PICALM: variants seen among roughly 807,000 people sequenced by gnomAD.
The protein encoded by PICALM is phosphatidylinositol binding clathrin assembly protein, also known as phosphatidylinositol-binding clathrin assembly protein.
PICALM carries 40 observed loss-of-function variants against 80.5 expected under a neutral mutation model. That is an observed-to-expected ratio of 0.50 (90% CI 0.39 to 0.65). PICALM has a LOEUF of 0.65. PICALM is among the 30% of genes least tolerant of loss of function. The pLI is 0.00. For synonymous variants in PICALM, 288 were observed against 260.3 expected (o/e 1.11, Z -1.02); for missense variants, 676 against 778.9 (o/e 0.87, Z 1.57).
At chr11:86,057,099 C>T (rs548082481) in intron 1 of PICALM, among the ~76,000 whole-genome samples, 28 of 151,952 alleles carry the variant, frequency 1.8e-4, no homozygotes, top group Non-Finnish European at 3.7e-4. Flanking sequence ...GATGGTTGCA[C>T]ACAACACTGT....
intron 1 of PICALM, among the ~76,000 whole-genome samples, chr11:86,043,280 A>G (rs2096007659): frequency 6.6e-6 from 1 of 152,168 alleles, no homozygotes; most frequent in African/African-American, 2.4e-5. Context: ...TATTCTGCCT[A>G]CTTTGCCCTC....
chr11:86,042,625 T>C (rs2095994055), intron 1 of PICALM, among the ~76,000 whole-genome samples: 1 of 150,240 alleles, frequency 6.7e-6, no homozygotes, highest in South Asian at 2.1e-4. Context: ...ACTTACTAAC[T>C]GTTCGTTAGC....
At chr11:85,981,691 G>T in intron 16 of PICALM, 54 bp downstream of exon 16, 1 of 1,356,058 alleles carries the variant, frequency 7.4e-7, no homozygotes, top group Non-Finnish European at 1.1e-6. Context: ...AATAACACAT[G>T]GAGAAAACAC....
At chr11:85,981,366 G>T in intron 16 of PICALM, 138 bp from the exon 17 acceptor site, 1 of 599,882 alleles carries the variant, frequency 1.7e-6, no homozygotes, top group Non-Finnish European at 2.9e-6. Flanking sequence ...AGCACTTTGG[G>T]AGGCCAAGGT....
chr11:86,030,985 G>T (rs1303121400), intron 2 of PICALM, among the ~76,000 whole-genome samples: 1 of 152,126 alleles, frequency 6.6e-6, no homozygotes, highest in Middle Eastern at 3.2e-3. Flanking sequence ...AGGCATGGTA[G>T]CACACACTTG....
At chr11:86,016,730 T>C (rs558615809) in intron 4 of PICALM, among the ~76,000 whole-genome samples, 22 of 152,312 alleles carry the variant, frequency 1.4e-4, no homozygotes, top group Non-Finnish European at 2.1e-4. Context: ...ATACTCAACA[T>C]TGCCAGCAAT....
chr11:85,981,929 G>A lies in PICALM; in HGVS notation c.1591C>T (p.Pro531Ser). Residue 531 changes from proline (P) to serine (S), a missense_variant, in exon 15 of 20, where the codon CCA (proline) becomes TCA (serine). Around this residue, in one of 2 missense-constraint regions of PICALM, gnomAD observed 391 missense variants for 383.6 expected, o/e 1.02. Transcript: ENST00000393346. The part of the protein sequence containing the change: ...QNQNLPVAKL[P>S]PSKLVSDDLD... ...TCATCAGATACTAACTTGCTAGGTG[G>A]GAGTTTGGCAACAGGAAGGTTCTGG... 6.2e-7 allele frequency: 1 copy of A among 1,613,532 alleles called. No individual in the cohort carries two copies. Among genetic ancestry groups the A allele is most frequent in the Non-Finnish European group, 8.5e-7 (1 of 1,179,430 alleles).
Position 86,031,624 on chromosome 11 carries a change from A to G in PICALM, c.131-13T>C. ...CACTGAATTAAGTCTGCAATAAAAA[A>G]TTTTTAAATGATTAATTTCCTCTGT... is the stretch of plus-strand genomic sequence containing the variant. On this transcript the variant is annotated splice_polypyrimidine_tract_variant and intron_variant, in intron 1 of 19. Transcript: ENST00000393346. 1 of 1,583,558 alleles carries G rather than the reference A, an allele frequency of 6.3e-7. No homozygotes were observed. The highest frequency in any genetic ancestry group is 8.6e-7 in the Non-Finnish European group (1 of 1,166,570).
intron 8 of PICALM, among the ~76,000 whole-genome samples, chr11:86,004,490 A>G (rs2095233406): frequency 6.6e-6 from 1 of 152,004 alleles, no homozygotes; most frequent in South Asian, 2.1e-4. Context: ...TATTTATCAA[A>G]CTGCATTGAA....
At chr11:86,046,147 C>T (rs1053370743) in intron 1 of PICALM, among the ~76,000 whole-genome samples, 1 of 152,168 alleles carries the variant, frequency 6.6e-6, no homozygotes, top group East Asian at 1.9e-4. Flanking sequence ...TTTTCAATAT[C>T]TGCTTCAAAT....
chr11:85,992,290 T>G (rs536314954), intron 12 of PICALM, among the ~76,000 whole-genome samples: 2 of 151,884 alleles, frequency 1.3e-5, no homozygotes, highest in East Asian at 1.9e-4. Context: ...TTTTGTTTTT[T>G]TTTTTTTTGA....
chr11:85,965,326 A>C (rs557927573), intron 19 of PICALM, among the ~76,000 whole-genome samples: 2 of 152,320 alleles, frequency 1.3e-5, no homozygotes, highest in East Asian at 3.9e-4. Context: ...TAAACTACCC[A>C]GTCTATGGTA....
Position 86,000,660 on chromosome 11 carries a change from G to T in PICALM, c.1137C>A (p.Thr379=), listed in dbSNP as rs773727882. The part of the protein sequence containing the change: ...MTAPAIDIFS[T]PSSSNSTSKL... Reference sequence around the variant, plus strand: ...ACTCCTACCTGTTAGAAGAACTAGGGGTAGAAAATATGTCAATGGCTGGTG... The same window carrying T: ...ACTCCTACCTGTTAGAAGAACTAGGTGTAGAAAATATGTCAATGGCTGGTG... The change falls in exon 11 of 20, where the codon ACC becomes ACA. Residue 379 remains threonine (T), a synonymous_variant. Coordinates refer to ENST00000393346, the MANE Select transcript of PICALM (RefSeq NM_007166.4). The T allele has an allele frequency of 6.2e-7, 1 of 1,611,816 alleles. No homozygotes were observed. Among genetic ancestry groups the T allele is most frequent in the Non-Finnish European group, 8.5e-7 (1 of 1,179,522 alleles).
At chr11:85,980,552 G>T (rs1297954292) in intron 17 of PICALM, among the ~76,000 whole-genome samples, 1 of 152,058 alleles carries the variant, frequency 6.6e-6, no homozygotes, top group Non-Finnish European at 1.5e-5. Flanking sequence ...TATCAACTGT[G>T]TAAGTTATAT....
chr11:86,027,309 C>G (rs1266615981), intron 2 of PICALM, among the ~76,000 whole-genome samples: 1 of 152,122 alleles, frequency 6.6e-6, no homozygotes, highest in Non-Finnish European at 1.5e-5. Context: ...CTCAATATTG[C>G]CAAAATGGTC....
intron 19 of PICALM, among the ~76,000 whole-genome samples, chr11:85,972,339 C>T (rs1243673938): frequency 1.3e-5 from 2 of 152,250 alleles, no homozygotes; most frequent in East Asian, 3.9e-4. Flanking sequence ...CCAGTAAGGG[C>T]TCAGTACCAC....
chr11:85,996,491 A>T (rs1394112170), intron 12 of PICALM, among the ~76,000 whole-genome samples: 3 of 152,078 alleles, frequency 2.0e-5, no homozygotes, highest in African/African-American at 7.2e-5. Context: ...AAAATTCTAC[A>T]CCAAAATCGA....
chr11:85,959,155 A>G (rs1020923022), intron 19 of PICALM, 95 bp from the exon 20 acceptor site: 1 of 751,582 alleles, frequency 1.3e-6, no homozygotes, highest in Non-Finnish European at 2.2e-6. Context: ...TAACTGGCCC[A>G]GAAGTGTTCA....
intron 17 of PICALM, among the ~76,000 whole-genome samples, chr11:85,979,715 A>G (rs2094384864): frequency 6.6e-6 from 1 of 152,182 alleles, no homozygotes; most frequent in African/African-American, 2.4e-5. Flanking sequence ...AACCCACGGA[A>G]AACAGGGCAG....
Sources: gnomAD v4.1 joint callset for allele counts (sites outside exome capture counted in the v4.1 genomes callset) on GRCh38, gnomAD v4.1.1 for gene constraint, gnomAD v4.1.1 regional missense constraint, MANE v1.5 for transcripts, NCBI Gene and HGNC (gene_info 2026-07-23, HGNC 2026-07-21) for gene names.